Variants in CCDC170 observed in about 807,000 individuals in gnomAD.
The protein encoded by CCDC170 is coiled-coil domain-containing protein 170.
A neutral mutation model predicts 72.6 loss-of-function variants in CCDC170; 69 were observed. The ratio of observed to expected loss-of-function variants is 0.95; its 90% CI spans 0.78 to 1.16. The LOEUF is 1.16. CCDC170 is among the 50% of genes most tolerant of loss of function. The probability of loss-of-function intolerance (pLI) is 0.00; values close to 1 mark genes in which losing one functional copy is unlikely to be tolerated. For missense variants in CCDC170, 852 were observed against 832.5 expected (o/e 1.02, Z -0.29); for synonymous variants, 300 against 303.9 (o/e 0.99, Z 0.13).
At chr6:151,534,233 T>A (rs1006184761) in intron 1 of CCDC170, among the ~76,000 whole-genome samples, 1 of 152,056 alleles carries the variant, frequency 6.6e-6, no homozygotes, top group African/African-American at 2.4e-5. Flanking sequence ...CCCAGCTAAT[T>A]TTTTGTAGAG....
intron 7 of CCDC170, 75 bp downstream of exon 7, chr6:151,586,164 T>A: frequency 6.9e-7 from 1 of 1,451,816 alleles, no homozygotes. Flanking sequence ...ATATCCTGAA[T>A]TTTACAGTAT....
chr6:151,504,793 A>G (rs1726339023), intron 1 of CCDC170, among the ~76,000 whole-genome samples: 1 of 151,760 alleles, frequency 6.6e-6, no homozygotes, highest in African/African-American at 2.4e-5. Context: ...GCTACTAGAT[A>G]CTGGAAGTGG....
chr6:151,612,913 G>A (rs1019244244), intron 9 of CCDC170, among the ~76,000 whole-genome samples: 2 of 151,456 alleles, frequency 1.3e-5, no homozygotes, highest in African/African-American at 4.9e-5. Flanking sequence ...TACCTCAATT[G>A]TCAGGAAGCG....
chr6:151,538,099 A>G lies in CCDC170; in HGVS notation c.241A>G (p.Lys81Glu). 1.2e-6 allele frequency: 2 copies of G among 1,613,866 alleles called. No homozygotes were observed. The highest frequency in any genetic ancestry group is 1.7e-6 in the Non-Finnish European group (2 of 1,179,920). Residue 81 changes from lysine (K) to glutamate (E), a missense_variant, in exon 3 of 11, where the codon AAA (lysine) becomes GAA (glutamate). Lys to Glu is a moderately conservative substitution (Grantham distance 56). Coordinates refer to ENST00000239374, the MANE Select transcript of CCDC170 (RefSeq NM_025059.4). The stretch of plus-strand genomic sequence containing the variant: ...TAAAGAAGTCTCCTGTCAAGAACTG[A>G]AAGCTGAAATGGAGAGCTACAAGGA... ...LSKEVSCQEL[K>E]AEMESYKENN...
intron 9 of CCDC170, among the ~76,000 whole-genome samples, chr6:151,606,560 A>G (rs1447189009): frequency 1.3e-5 from 2 of 152,226 alleles, no homozygotes; most frequent in Non-Finnish European, 2.9e-5. Context: ...CATGGAGAAT[A>G]TTCCATGTGC....
intron 1 of CCDC170, among the ~76,000 whole-genome samples, chr6:151,524,420 C>A (rs1378599899): frequency 6.6e-6 from 1 of 152,128 alleles, no homozygotes; most frequent in Admixed American, 6.5e-5. Context: ...TTCCTGTGGC[C>A]TCTGAAGCCA....
At chr6:151,503,104 G>A (rs753386379) in intron 1 of CCDC170, among the ~76,000 whole-genome samples, 18 of 152,084 alleles carry the variant, frequency 1.2e-4, no homozygotes, top group Non-Finnish European at 2.1e-4. Context: ...TTGAAACCGG[G>A]AGGCAGAGGT....
chr6:151,585,390 A>G (rs921738740), intron 6 of CCDC170, among the ~76,000 whole-genome samples: 10 of 152,238 alleles, frequency 6.6e-5, no homozygotes, highest in African/African-American at 1.9e-4. Context: ...ACCAATCTTC[A>G]ACAGAAAGCT....
chr6:151,539,195 A>G (rs1048978376), intron 3 of CCDC170, among the ~76,000 whole-genome samples: 2 of 151,960 alleles, frequency 1.3e-5, no homozygotes, highest in African/African-American at 4.8e-5. Flanking sequence ...GGACAGGTGG[A>G]GGCTGCAGTG....
At chr6:151,565,996 A>G (rs917090418) in intron 5 of CCDC170, among the ~76,000 whole-genome samples, 11 of 152,174 alleles carry the variant, frequency 7.2e-5, no homozygotes, top group Non-Finnish European at 1.5e-4. Context: ...CAGTCTGATC[A>G]GTTCAGGGCA....
At chr6:151,529,722 A>G (rs2115040105) in intron 1 of CCDC170, among the ~76,000 whole-genome samples, 1 of 152,344 alleles carries the variant, frequency 6.6e-6, no homozygotes, top group South Asian at 2.1e-4. Context: ...ATGCACATGT[A>G]TGAGTATTTT....
chr6:151,544,129 C>G (rs748635534), intron 3 of CCDC170, among the ~76,000 whole-genome samples: 1 of 152,084 alleles, frequency 6.6e-6, no homozygotes, highest in Admixed American at 6.6e-5. Flanking sequence ...CCTTATAAAT[C>G]ACTGTATTGT....
At chr6:151,577,691 G>A (rs1421140231) in intron 6 of CCDC170, among the ~76,000 whole-genome samples, 1 of 152,218 alleles carries the variant, frequency 6.6e-6, no homozygotes, top group Admixed American at 6.5e-5. Flanking sequence ...CCGCACCAGT[G>A]CCTGGCCTAG....
At chr6:151,553,851 C>T (rs1282502895) in intron 5 of CCDC170, among the ~76,000 whole-genome samples, 1 of 152,106 alleles carries the variant, frequency 6.6e-6, no homozygotes, top group Non-Finnish European at 1.5e-5. Context: ...GTTTTACTGA[C>T]ACATTAACAG....
chr6:151,548,268 A>G, intron 4 of CCDC170, 36 bp from the exon 5 acceptor site: 3 of 1,474,136 alleles, frequency 2.0e-6, no homozygotes, highest in Non-Finnish European at 2.7e-6. Context: ...GAAATTGTTA[A>G]TTTTTATAGG....
chr6:151,604,096 C>T (rs1776749081), intron 9 of CCDC170, among the ~76,000 whole-genome samples: 2 of 152,294 alleles, frequency 1.3e-5, no homozygotes, highest in Admixed American at 1.3e-4. Flanking sequence ...ATCTTCATTG[C>T]ACTCTTTCAA....
intron 6 of CCDC170, among the ~76,000 whole-genome samples, chr6:151,575,788 A>G (rs181856402): frequency 7.2e-5 from 11 of 151,976 alleles, no homozygotes; most frequent in Non-Finnish European, 8.8e-5. Flanking sequence ...TCGGCCTCCC[A>G]AAGTGCTGGG....
At chr6:151,600,904 C>T (rs969609941) in intron 9 of CCDC170, among the ~76,000 whole-genome samples, 1 of 152,124 alleles carries the variant, frequency 6.6e-6, no homozygotes, top group African/African-American at 2.4e-5. Context: ...TCTTCATTTA[C>T]CCTTTCTTCA....
intron 9 of CCDC170, among the ~76,000 whole-genome samples, chr6:151,602,543 G>T (rs1776724352): frequency 6.6e-6 from 1 of 152,112 alleles, no homozygotes; most frequent in South Asian, 2.1e-4. Flanking sequence ...TGTATTGAGG[G>T]AGGGAGGTGA....
Sources: allele counts gnomAD v4.1 joint callset (sites outside exome capture counted in the v4.1 genomes callset), GRCh38; gene constraint gnomAD v4.1.1; transcripts MANE v1.5; gene names NCBI Gene and HGNC (gene_info 2026-07-23, HGNC 2026-07-21).